The following TATDN1 variants were observed in gnomAD, a reference collection of about 807,000 sequenced individuals.
TATDN1 encodes deoxyribonuclease TATDN1.
In TATDN1, 40 loss-of-function variants were observed where a neutral mutation model predicts 46.4. That is an observed-to-expected ratio of 0.86 (90% CI 0.67 to 1.12). TATDN1 has a LOEUF of 1.12. Ranked by LOEUF, TATDN1 falls within the 50% of genes most tolerant of loss-of-function variation. The pLI, the probability that TATDN1 is intolerant of heterozygous loss-of-function variation, is 0.00. For synonymous variants in TATDN1, 95 were observed against 105.6 expected (o/e 0.90, Z 0.62); for missense variants, 326 against 348.4 (o/e 0.94, Z 0.51).
intron 1 of TATDN1, among the ~76,000 whole-genome samples, chr8:124,528,992 A>T (rs1820733553): frequency 6.6e-6 from 1 of 152,226 alleles, no homozygotes; most frequent in Admixed American, 6.5e-5. Context: ...GTTATGGGAT[A>T]AGCCCGTGCC....
At chr8:124,524,454 T>C (rs1305488538) in intron 1 of TATDN1, among the ~76,000 whole-genome samples, 1 of 152,090 alleles carries the variant, frequency 6.6e-6, no homozygotes, top group African/African-American at 2.4e-5. Flanking sequence ...ATTAGATAAA[T>C]GGGGCAGACT....
At chr8:124,518,378 G>A (rs1182523079) in intron 4 of TATDN1, among the ~76,000 whole-genome samples, 2 of 151,348 alleles carry the variant, frequency 1.3e-5, no homozygotes, top group Non-Finnish European at 2.9e-5. Flanking sequence ...CAAAAAATTA[G>A]CCTGGCGTGG....
intron 9 of TATDN1, among the ~76,000 whole-genome samples, chr8:124,497,883 TA>T (rs201414907): frequency 2.0e-4 from 31 of 152,146 alleles, no homozygotes; most frequent in African/African-American, 6.0e-4. Flanking sequence ...GTAGTTTGTA[TA>T]AAAAAAATAT....
At chr8:124,531,423 G>C (rs577336583) in intron 1 of TATDN1, among the ~76,000 whole-genome samples, 1 of 152,298 alleles carries the variant, frequency 6.6e-6, no homozygotes, top group East Asian at 1.9e-4. Flanking sequence ...AGGACTGGGG[G>C]TAATAGGCAC....
At chr8:124,497,512 T>C (rs7825599) in intron 9 of TATDN1, among the ~76,000 whole-genome samples, 67,190 of 151,750 alleles carry the variant, frequency 0.44, 15,206 homozygotes, top group South Asian at 0.54. Flanking sequence ...GTCTCGAACT[T>C]CTTACCTCAG....
Position 124,539,060 on chromosome 8 carries a change from G to C in TATDN1, c.-14C>G, listed in dbSNP as rs778161404. On this transcript the variant is annotated 5_prime_UTR_variant, in exon 1 of 12. Transcript: ENST00000276692. ...GAAGCGACTCATGACTGCGCATGGA[G>C]GACCTCCCCAGCGGAAGCGGAAGTG... 4.3e-6 allele frequency: 7 copies of C among 1,612,736 alleles called. No homozygotes were observed. The South Asian group carries it at 5.5e-5, about 13-fold the overall frequency.
At chr8:124,504,058 A>G (rs1351740255) in intron 9 of TATDN1, 3 of 830,592 alleles carry the variant, frequency 3.6e-6, no homozygotes, top group Non-Finnish European at 5.5e-6. Flanking sequence ...TTATTAGAAC[A>G]TAATGTAGTA....
At chr8:124,504,446 T>A in intron 8 of TATDN1, 99 bp from the exon 9 acceptor site, 1 of 723,350 alleles carries the variant, frequency 1.4e-6, no homozygotes, top group South Asian at 4.0e-5. Context: ...TAGATCCCTG[T>A]AAGTTTTTGG....
intron 1 of TATDN1, among the ~76,000 whole-genome samples, chr8:124,524,237 A>G (rs1820293748): frequency 6.6e-6 from 1 of 152,202 alleles, no homozygotes; most frequent in South Asian, 2.1e-4. Context: ...CAGGCATTTG[A>G]AACAATAGGG....
rs779102391 is a variant in TATDN1 at position 124,508,590 on chromosome 8, G to C, written c.475+13C>G. ...ATTCTTAAGTTCTGAATGAGACTTT[G>C]GTTTTAACTCACCCAAAAATTCAGC... On this transcript the variant is annotated intron_variant, in intron 7 of 11. Transcript: ENST00000276692. The C allele has an allele frequency of 1.2e-6, 2 of 1,605,762 alleles. No homozygotes were observed. Among genetic ancestry groups the C allele is most frequent in the Middle Eastern group, 1.7e-4 (1 of 6,008 alleles).
chr8:124,507,784 CA>C lies in TATDN1; in HGVS notation c.516+689del, dbSNP rs201337834. On this transcript the variant is annotated intron_variant, in intron 8 of 11. Coordinates refer to ENST00000276692, the MANE Select transcript of TATDN1 (RefSeq NM_032026.4). ...CAGAGCCAGACCCTTTCTTAATAACCAAAAAAAAAAAAAAACAAAAAACACA... is the reference window on the plus strand; with the variant it reads ...CAGAGCCAGACCCTTTCTTAATAACCAAAAAAAAAAAAAACAAAAAACACA... 2.6e-3 allele frequency among the ~76,000 whole-genome samples: 242 copies of C among 93,528 alleles called. 5 individuals carry two copies. The highest frequency in any genetic ancestry group is 0.025 in the East Asian group (95 of 3,782). The allele number at this position is 93,528 out of a possible 152,430, so 61.4% of individuals were successfully genotyped here. A position where few individuals can be genotyped will look rare whatever the true frequency, so the allele number is the denominator to read the frequency against.
At chr8:124,497,957 C>A (rs551708234) in intron 9 of TATDN1, among the ~76,000 whole-genome samples, 1 of 152,286 alleles carries the variant, frequency 6.6e-6, no homozygotes, top group East Asian at 1.9e-4. Flanking sequence ...TTTAACATCA[C>A]CATTTATTTA....
intron 6 of TATDN1, among the ~76,000 whole-genome samples, chr8:124,511,139 T>C (rs1442961156): frequency 6.6e-6 from 1 of 152,220 alleles, no homozygotes; most frequent in Non-Finnish European, 1.5e-5. Context: ...AGTTCATAAA[T>C]GAAAATAATT....
intron 1 of TATDN1, among the ~76,000 whole-genome samples, chr8:124,526,497 G>A (rs1043377729): frequency 6.6e-6 from 1 of 152,228 alleles, no homozygotes; most frequent in East Asian, 1.9e-4. Context: ...ATACGGGTGG[G>A]AGGGAATGAT....
At chr8:124,493,118 G>GAAT (rs993596713) in intron 11 of TATDN1, among the ~76,000 whole-genome samples, 1 of 152,154 alleles carries the variant, frequency 6.6e-6, no homozygotes, top group Non-Finnish European at 1.5e-5. Context: ...CATATGCAAT[G>GAAT]AATAGTCTTA....
intron 1 of TATDN1, among the ~76,000 whole-genome samples, chr8:124,525,667 A>G (rs1820422808): frequency 6.6e-6 from 1 of 152,240 alleles, no homozygotes; most frequent in Non-Finnish European, 1.5e-5. Flanking sequence ...GAACACTGTT[A>G]TTACAAACAC....
intron 8 of TATDN1, among the ~76,000 whole-genome samples, chr8:124,506,009 T>A (rs1818375217): frequency 6.6e-6 from 1 of 152,044 alleles, no homozygotes; most frequent in Admixed American, 6.6e-5. Flanking sequence ...TTGTTAATTT[T>A]AAAAACTATT....
In TATDN1 at chr8:124,515,994, C is replaced by A; in HGVS notation, c.239G>T (p.Arg80Ile). The change falls in exon 5 of 12, where the codon AGA becomes ATA. Residue 80 changes from arginine to isoleucine, a missense_variant. Transcript: ENST00000276692. Reference sequence around the variant, plus strand: ...GTTATTCTTTTCAAATTCACCACATCTTGTAGGATGACATCCAACTGTACT... The same window carrying A: ...GTTATTCTTTTCAAATTCACCACATATTGTAGGATGACATCCAACTGTACT... ...FFSTVGCHPT[R>I]CGEFEKNNPD... The A allele has an allele frequency of 6.2e-7, 1 of 1,613,664 alleles. No homozygotes were observed.
At chr8:124,503,915 C>T (rs1425680027) in intron 9 of TATDN1, 2 of 1,295,926 alleles carry the variant, frequency 1.5e-6, no homozygotes, top group Admixed American at 4.6e-5. Flanking sequence ...AACCGTTCGT[C>T]CATAGTCAGA....
Sources: allele counts gnomAD v4.1 joint callset (sites outside exome capture counted in the v4.1 genomes callset), GRCh38; gene constraint gnomAD v4.1.1; transcripts MANE v1.5; gene names NCBI Gene and HGNC (gene_info 2026-07-23, HGNC 2026-07-21).